The following NELL1 variants were observed in gnomAD, a reference collection of about 807,000 sequenced individuals.
NELL1 encodes protein kinase C-binding protein NELL1.
A neutral mutation model predicts 107.4 loss-of-function variants in NELL1; 76 were observed. The ratio of observed to expected loss-of-function variants is 0.71; its 90% CI spans 0.59 to 0.86. The LOEUF (loss-of-function observed/expected upper bound fraction) is 0.86. Ranked by LOEUF, NELL1 falls within the 40% of genes least tolerant of loss-of-function variation. The probability of loss-of-function intolerance (pLI) is 0.00; values close to 1 mark genes in which losing one functional copy is unlikely to be tolerated. For missense variants in NELL1, 1,024 were observed against 1,005.5 expected (o/e 1.02, Z -0.25); for synonymous variants, 353 against 341.2 (o/e 1.03, Z -0.38).
intron 10 of NELL1, among the ~76,000 whole-genome samples, 159 bp downstream of exon 10, chr11:20,938,018 G>C (rs1206965748): frequency 1.3e-5 from 2 of 152,178 alleles, no homozygotes; most frequent in African/African-American, 4.8e-5. Context: ...CGAGGATCCA[G>C]CCAGGCCATT....
At chr11:21,249,410 C>T (rs1009468921) in intron 14 of NELL1, among the ~76,000 whole-genome samples, 2 of 151,300 alleles carry the variant, frequency 1.3e-5, no homozygotes, top group African/African-American at 2.4e-5. Flanking sequence ...TTTTCTTATT[C>T]ACTAAAACAG....
chr11:20,861,830 A>C (rs1848984988), intron 4 of NELL1, among the ~76,000 whole-genome samples: 1 of 152,172 alleles, frequency 6.6e-6, no homozygotes, highest in Non-Finnish European at 1.5e-5. Context: ...CTGCCACTAG[A>C]TGTGCTACCC....
chr11:20,694,657 C>G (rs1264385503), intron 2 of NELL1, among the ~76,000 whole-genome samples: 1 of 151,920 alleles, frequency 6.6e-6, no homozygotes, highest in Admixed American at 6.6e-5. Flanking sequence ...ATGCTGTTTA[C>G]TGTAGGTTAC....
chr11:21,523,977 T>A (rs532688968), intron 15 of NELL1, among the ~76,000 whole-genome samples: 3 of 152,234 alleles, frequency 2.0e-5, no homozygotes, highest in African/African-American at 7.2e-5. Context: ...AGACAACAAA[T>A]TAAATCCCTG....
Position 21,575,171 on chromosome 11 carries a change from G to A in NELL1, c.*149G>A. ...AGTTTCCACCTGAGGACGGTGTTTG[G>A]AGGTTGCCTTTTGGACCTACCACTT... On this transcript the variant is annotated 3_prime_UTR_variant, in exon 20 of 20. Transcript: ENST00000357134. 1 of 719,790 alleles carries A rather than the reference G, an allele frequency of 1.4e-6. No individual in the cohort carries two copies. The highest frequency in any genetic ancestry group is 2.4e-6 in the Non-Finnish European group (1 of 420,098). The allele number at this position is 719,790 out of a possible 1,614,324, so 44.6% of individuals were successfully genotyped here.
intron 13 of NELL1, among the ~76,000 whole-genome samples, chr11:21,147,693 G>A (rs906182728): frequency 1.1e-4 from 17 of 151,650 alleles, no homozygotes; most frequent in East Asian, 5.8e-4. Context: ...AAAATTAGCC[G>A]GGTGTGGTGG....
At chr11:21,151,794 A>G (rs1218566547) in intron 13 of NELL1, among the ~76,000 whole-genome samples, 1 of 152,230 alleles carries the variant, frequency 6.6e-6, no homozygotes, top group African/African-American at 2.4e-5. Context: ...TACCATTACT[A>G]TTACTAATGC....
At chr11:20,926,768 G>C (rs530326537) in intron 7 of NELL1, among the ~76,000 whole-genome samples, 46 of 152,208 alleles carry the variant, frequency 3.0e-4, no homozygotes, top group Admixed American at 1.0e-3. Context: ...TGAATTCCTG[G>C]GGCATTCTGT....
At chr11:20,725,294 G>A (rs1855484203) in intron 2 of NELL1, among the ~76,000 whole-genome samples, 1 of 152,158 alleles carries the variant, frequency 6.6e-6, no homozygotes, top group South Asian at 2.1e-4. Flanking sequence ...CAGACTTCCA[G>A]GTTGCATGTG....
chr11:21,150,963 G>A lies in NELL1; in HGVS notation c.1426+37249G>A, dbSNP rs536020927. Reference sequence around the variant, plus strand: ...CACATGGTGAAGCTGGAGAGAGAGAGGGCAAAGGAGGAAGTGCTACCCACT... The same window carrying A: ...CACATGGTGAAGCTGGAGAGAGAGAAGGCAAAGGAGGAAGTGCTACCCACT... On this transcript the variant is annotated intron_variant, in intron 13 of 19. Coordinates refer to ENST00000357134, the MANE Select transcript of NELL1 (RefSeq NM_006157.5). Among the ~76,000 whole-genome samples the A allele has an allele frequency of 2.0e-4, 30 of 152,192 alleles. No individual in the cohort carries two copies. In the South Asian group the frequency reaches 5.2e-3, roughly 26 times the overall value.
chr11:21,088,024 T>C (rs531990156), intron 12 of NELL1, among the ~76,000 whole-genome samples: 1 of 151,928 alleles, frequency 6.6e-6, no homozygotes, highest in East Asian at 1.9e-4. Flanking sequence ...CAGTCTTCTA[T>C]GATGACAGCT....
At chr11:21,328,580 C>T (rs529462076) in intron 14 of NELL1, among the ~76,000 whole-genome samples, 2 of 152,218 alleles carry the variant, frequency 1.3e-5, no homozygotes, top group East Asian at 3.9e-4. Context: ...AGAGGGCCAC[C>T]GTTCTCCTGA....
chr11:21,329,025 A>G (rs1850211728), intron 14 of NELL1, among the ~76,000 whole-genome samples: 1 of 152,158 alleles, frequency 6.6e-6, no homozygotes, highest in Non-Finnish European at 1.5e-5. Context: ...CTAATGCTGA[A>G]ATGAGTTAAG....
intron 14 of NELL1, among the ~76,000 whole-genome samples, chr11:21,314,740 T>G (rs2133653581): frequency 6.6e-6 from 1 of 152,274 alleles, no homozygotes; most frequent in Middle Eastern, 3.4e-3. Flanking sequence ...AGCCTTATAC[T>G]TAAGAGTAAT....
At chr11:21,439,741 C>T (rs74656304) in intron 15 of NELL1, among the ~76,000 whole-genome samples, 8 of 152,012 alleles carry the variant, frequency 5.3e-5, no homozygotes, top group African/African-American at 1.7e-4. Flanking sequence ...GAGTGTGATC[C>T]GCATAGAGTT....
At chr11:21,135,984 G>C (rs1012603353) in intron 13 of NELL1, among the ~76,000 whole-genome samples, 1 of 152,152 alleles carries the variant, frequency 6.6e-6, no homozygotes, top group Non-Finnish European at 1.5e-5. Context: ...TCTACATGGG[G>C]AAATAGCTAT....
At chr11:20,912,422 C>T (rs1437609701) in intron 5 of NELL1, among the ~76,000 whole-genome samples, 2 of 152,112 alleles carry the variant, frequency 1.3e-5, no homozygotes. Flanking sequence ...TGGTTGATTA[C>T]CCACTCAATT....
chr11:21,396,585 T>A (rs1851985837), intron 15 of NELL1, among the ~76,000 whole-genome samples: 1 of 151,598 alleles, frequency 6.6e-6, no homozygotes, highest in African/African-American at 2.4e-5. Context: ...TTAAAACAAG[T>A]GCATATTAGG....
At chr11:21,448,652 C>T (rs1564899062) in intron 15 of NELL1, among the ~76,000 whole-genome samples, 1 of 152,186 alleles carries the variant, frequency 6.6e-6, no homozygotes, top group Non-Finnish European at 1.5e-5. Context: ...ATGAAACCAT[C>T]AGCACAATCA....
Sources: gnomAD v4.1 joint callset for allele counts (sites outside exome capture counted in the v4.1 genomes callset) on GRCh38, gnomAD v4.1.1 for gene constraint, MANE v1.5 for transcripts, NCBI Gene and HGNC (gene_info 2026-07-23, HGNC 2026-07-21) for gene names.